The following PLBD1 variants were observed in gnomAD, a reference collection of about 807,000 sequenced individuals.
PLBD1 encodes phospholipase B domain containing 1.
PLBD1 carries 60 observed loss-of-function variants against 63.0 expected under a neutral mutation model. The observed-to-expected ratio is 0.95, with a 90% CI of 0.77 to 1.18. PLBD1 has a LOEUF of 1.18. PLBD1 is among the 50% of genes most tolerant of loss of function. The pLI is 0.00. For missense variants in PLBD1, 598 were observed against 677.9 expected (o/e 0.88, Z 1.31); for synonymous variants, 262 against 248.0 (o/e 1.06, Z -0.53).
chr12:14,516,447 C>A (rs993462386), intron 6 of PLBD1, among the ~76,000 whole-genome samples: 10 of 152,098 alleles, frequency 6.6e-5, no homozygotes, highest in African/African-American at 2.4e-4. Context: ...ATTCAGTATG[C>A]TAGGATGGTC....
intron 2 of PLBD1, among the ~76,000 whole-genome samples, chr12:14,545,976 G>C (rs993761126): frequency 6.6e-6 from 1 of 152,126 alleles, no homozygotes; most frequent in African/African-American, 2.4e-5. Flanking sequence ...AGCTAGACAA[G>C]TGTGTGGGTG....
chr12:14,506,915 G>C lies in PLBD1; in HGVS notation c.1372+18C>G, dbSNP rs145592446. 8.6e-3 allele frequency: 13,700 copies of C among 1,598,546 alleles called. 80 individuals carry two copies. The highest frequency in any genetic ancestry group is 0.011 in the Non-Finnish European group (12,471 of 1,168,116). On this transcript the variant is annotated intron_variant, in intron 9 of 10. Coordinates refer to ENST00000240617, the MANE Select transcript of PLBD1 (RefSeq NM_024829.6). The stretch of plus-strand genomic sequence containing the variant: ...AAAGGAGTTTTGAAGAATGATTCTT[G>C]AGAAATATGCTACGTACTGTTGTAT...
At chr12:14,529,858 T>C (rs1020880671) in intron 6 of PLBD1, among the ~76,000 whole-genome samples, 1 of 152,158 alleles carries the variant, frequency 6.6e-6, no homozygotes, top group Non-Finnish European at 1.5e-5. Context: ...TGATTGTATA[T>C]ATAGAAAATC....
intron 6 of PLBD1, among the ~76,000 whole-genome samples, chr12:14,520,409 T>G (rs1272647920): frequency 6.6e-6 from 1 of 152,248 alleles, no homozygotes; most frequent in Non-Finnish European, 1.5e-5. Context: ...TGCTGCACAC[T>G]GTGCAGGTGA....
rs572356624 is a variant in PLBD1, at chr12:14,536,810, T to C, written c.559-100A>G. ...CCCATTAAATTATTCCCTTGCAGGCTGTGCATGGTGGCTCACGCCTGTAAT... is the reference window on the plus strand; with the variant it reads ...CCCATTAAATTATTCCCTTGCAGGCCGTGCATGGTGGCTCACGCCTGTAAT... On this transcript the variant is annotated intron_variant, in intron 4 of 10. Transcript: ENST00000240617. 251 of 1,441,190 alleles carry C rather than the reference T, an allele frequency of 1.7e-4. 2 individuals carry two copies. The South Asian group carries it at 3.0e-3, about 17-fold the overall frequency. 89.3% of individuals were successfully genotyped at this position (1,441,190 alleles called of 1,614,324 possible). A position where few individuals can be genotyped will look rare whatever the true frequency, so the allele number is the denominator to read the frequency against.
intron 1 of PLBD1, 153 bp from the exon 2 acceptor site, chr12:14,553,565 C>T: frequency 1.5e-6 from 1 of 686,132 alleles, no homozygotes; most frequent in Non-Finnish European, 2.4e-6. Context: ...CCCTTAATTC[C>T]AAGTGGGGAA....
rs1442478934 is a variant in PLBD1 at position 14,506,913 on chromosome 12, T to C, written c.1372+20A>G. ...GAAAAGGAGTTTTGAAGAATGATTC[T>C]TGAGAAATATGCTACGTACTGTTGT... On this transcript the variant is annotated intron_variant, in intron 9 of 10. Transcript: ENST00000240617. The C allele has an allele frequency of 1.2e-5, 19 of 1,599,236 alleles. No individual in the cohort carries two copies. The highest frequency in any genetic ancestry group is 1.6e-5 in the Non-Finnish European group (19 of 1,168,588).
In PLBD1 at chr12:14,503,874, A is replaced by C. The variant is rs762760323; in HGVS notation, c.1560T>G (p.Phe520Leu). 2.5e-6 allele frequency: 4 copies of C among 1,613,878 alleles called. No individual in the cohort carries two copies. In the African/African-American group the frequency reaches 4.0e-5, roughly 16 times the overall value. ...GPTVQGGLPV[F>L]RWDRFNKTLH... The stretch of plus-strand genomic sequence containing the variant: ...GAGTTTTGTTGAAACGGTCCCAGCG[A>C]AAAACAGGGAGGCCACCTTGTACTG... The change falls in exon 11 of 11, where the codon TTT (phenylalanine) becomes TTG (leucine). Residue 520 changes from phenylalanine (F) to leucine (L), a missense_variant. Coordinates refer to ENST00000240617, the MANE Select transcript of PLBD1 (RefSeq NM_024829.6).
intron 1 of PLBD1, among the ~76,000 whole-genome samples, chr12:14,562,921 ATTTCT>A (rs1345540463): frequency 4.6e-5 from 7 of 152,262 alleles, no homozygotes; most frequent in African/African-American, 1.4e-4. Flanking sequence ...GAAAACAAAA[ATTTCT>A]TTTCTGCATG....
intron 2 of PLBD1, 55 bp from the exon 3 acceptor site, chr12:14,542,346 A>G (rs2136925214): frequency 1.5e-6 from 2 of 1,346,468 alleles, no homozygotes; most frequent in Non-Finnish European, 2.1e-6. Context: ...GGATTTCTCC[A>G]TCACAGTAAA....
chr12:14,559,225 G>A (rs1056815142), intron 1 of PLBD1, among the ~76,000 whole-genome samples: 17 of 152,074 alleles, frequency 1.1e-4, no homozygotes, highest in Non-Finnish European at 2.4e-4. Flanking sequence ...GTGAAAGCGC[G>A]GACTGTTTCT....
In PLBD1 at chr12:14,542,258, T is replaced by C. The variant is rs1945578787; in HGVS notation, c.369A>G (p.Pro123=). The change falls in exon 3 of 11, where the codon CCA becomes CCG. Residue 123 remains proline (P), a synonymous_variant. Coordinates refer to ENST00000240617, the MANE Select transcript of PLBD1 (RefSeq NM_024829.6). ...TGATGGAAGGTTTCGTGATCAGCTGTGGGTAGAGGTTTGTGTAGTGGTCAT... is the reference window on the plus strand; with the variant it reads ...TGATGGAAGGTTTCGTGATCAGCTGCGGGTAGAGGTTTGTGTAGTGGTCAT... The part of the protein sequence containing the change: ...HMNDHYTNLY[P]QLITKPSIMD... 6.2e-7 allele frequency: 1 copy of C among 1,611,098 alleles called. No homozygotes were observed.
At chr12:14,529,610 A>T (rs1388818697) in intron 6 of PLBD1, among the ~76,000 whole-genome samples, 1 of 152,240 alleles carries the variant, frequency 6.6e-6, no homozygotes, top group Non-Finnish European at 1.5e-5. Flanking sequence ...AAGTAGGAAG[A>T]GCAGGGACCT....
intron 6 of PLBD1, among the ~76,000 whole-genome samples, chr12:14,532,568 A>G (rs1461516771): frequency 6.6e-6 from 1 of 152,024 alleles, no homozygotes; most frequent in African/African-American, 2.4e-5. Context: ...AAAAATATAT[A>G]CTGTGAGGGC....
At chr12:14,565,472 T>TAA (rs536473852) in intron 1 of PLBD1, among the ~76,000 whole-genome samples, 3 of 130,908 alleles carry the variant, frequency 2.3e-5, no homozygotes, top group East Asian at 2.1e-4. Context: ...GAAATAATAG[T>TAA]AAAAAAAAAA....
chr12:14,566,212 C>T (rs997692411), intron 1 of PLBD1, among the ~76,000 whole-genome samples: 2 of 152,164 alleles, frequency 1.3e-5, no homozygotes, highest in African/African-American at 4.8e-5. Context: ...GAAGTAGACA[C>T]CAAGGCCACC....
At position 14,506,172 on chromosome 12, in the gene PLBD1, TA is replaced by T. The variant is rs746915906; in HGVS notation, c.1468del (p.Tyr490MetfsTer10). On this transcript the variant is annotated frameshift_variant, in exon 10 of 11. Transcript: ENST00000240617. LOFTEE classifies it high-confidence loss of function. ...CCAATAGCATGTTACCTTTGTGTCA[TA>T]ACAACCTCCAGGACTTGGGTTAGGT... is the stretch of plus-strand genomic sequence containing the variant. The part of the protein sequence containing the change: ...NSPNPSPGGC[Y>X]DTKVADIYLA... 7.5e-6 allele frequency: 12 copies of T among 1,606,416 alleles called. No homozygotes were observed. The highest frequency in any genetic ancestry group is 1.3e-5 in the African/African-American group (1 of 74,720).
chr12:14,551,233 C>T (rs541942616), intron 2 of PLBD1, among the ~76,000 whole-genome samples: 126 of 151,784 alleles, frequency 8.3e-4, no homozygotes, highest in East Asian at 7.6e-3. Context: ...TATGGTGGCG[C>T]GTACCTGTAG....
chr12:14,514,699 A>G (rs573350847), intron 6 of PLBD1, among the ~76,000 whole-genome samples: 4 of 152,318 alleles, frequency 2.6e-5, no homozygotes, highest in South Asian at 2.1e-4. Flanking sequence ...GCCTTTGAAA[A>G]GAAACACATT....
Sources: gnomAD v4.1 joint callset for allele counts (sites outside exome capture counted in the v4.1 genomes callset) on GRCh38, gnomAD v4.1.1 for gene constraint, MANE v1.5 for transcripts, NCBI Gene and HGNC (gene_info 2026-07-23, HGNC 2026-07-21) for gene names.